Variants in PRKN observed in about 807,000 individuals in gnomAD.
PRKN encodes the protein parkin RBR E3 ubiquitin protein ligase.
PRKN carries 56 observed loss-of-function variants against 59.5 expected under a neutral mutation model. That is an observed-to-expected ratio of 0.94 (90% CI 0.76 to 1.18). PRKN has a LOEUF of 1.18. Ranked by LOEUF, PRKN falls within the 50% of genes most tolerant of loss-of-function variation. PRKN has a pLI of 0.00. For missense variants in PRKN, 657 were observed against 596.4 expected (o/e 1.10, Z -1.06); for synonymous variants, 250 against 222.1 (o/e 1.13, Z -1.12).
At chr6:162,303,721 T>C (rs921041826) in intron 2 of PRKN, among the ~76,000 whole-genome samples, 1 of 152,144 alleles carries the variant, frequency 6.6e-6, no homozygotes, top group Non-Finnish European at 1.5e-5. Flanking sequence ...GGAGACATTG[T>C]TTTTAAAAGT....
intron 7 of PRKN, 95 bp downstream of exon 7, chr6:161,785,677 T>C: frequency 8.6e-7 from 1 of 1,162,920 alleles, no homozygotes; most frequent in Admixed American, 1.9e-5. Flanking sequence ...ATTCTTCTGC[T>C]AGGGTTTACG....
chr6:161,580,264 G>GT (rs1388523214), intron 7 of PRKN, among the ~76,000 whole-genome samples: 1 of 152,126 alleles, frequency 6.6e-6, no homozygotes, highest in Non-Finnish European at 1.5e-5. Context: ...CTGTCAGAGA[G>GT]TTTTACCAAT....
At chr6:161,889,305 T>C (rs546342341) in intron 6 of PRKN, among the ~76,000 whole-genome samples, 1 of 152,092 alleles carries the variant, frequency 6.6e-6, no homozygotes, top group African/African-American at 2.4e-5. Context: ...AAACACTGTA[T>C]ATGAATGTAC....
chr6:161,493,929 GCA>G (rs1233129634), intron 9 of PRKN, among the ~76,000 whole-genome samples: 4 of 152,124 alleles, frequency 2.6e-5, no homozygotes, highest in African/African-American at 4.8e-5. Flanking sequence ...GGCTATCTCC[GCA>G]CAGACAAGAC....
chr6:162,595,937 T>C (rs1035380142), intron 1 of PRKN, among the ~76,000 whole-genome samples: 1 of 152,298 alleles, frequency 6.6e-6, no homozygotes, highest in South Asian at 2.1e-4. Context: ...GTACAATGTA[T>C]ACTTTTAACT....
chr6:162,039,325 C>T (rs1313652260), intron 5 of PRKN, among the ~76,000 whole-genome samples: 2 of 152,144 alleles, frequency 1.3e-5, no homozygotes, highest in African/African-American at 4.8e-5. Flanking sequence ...ATGGTTCATT[C>T]GGCCCCACCA....
intron 6 of PRKN, among the ~76,000 whole-genome samples, chr6:161,825,374 G>T (rs1792198718): frequency 6.6e-6 from 1 of 152,106 alleles, no homozygotes; most frequent in African/African-American, 2.4e-5. Flanking sequence ...CCCAAATGGT[G>T]TAATTTAAGA....
intron 7 of PRKN, among the ~76,000 whole-genome samples, chr6:161,671,148 A>T (rs1357784883): frequency 6.6e-6 from 1 of 152,116 alleles, no homozygotes; most frequent in Non-Finnish European, 1.5e-5. Context: ...CGCAGATGGG[A>T]TACCTGCATG....
intron 9 of PRKN, among the ~76,000 whole-genome samples, chr6:161,426,676 C>CACACACACACAT (rs11271613): frequency 0.072 from 10,212 of 142,684 alleles, 556 homozygotes; most frequent in Middle Eastern, 0.12. Flanking sequence ...CACACACACA[C>CACACACACACAT]CTCCTATTAG....
chr6:161,622,778 T>C (rs1451176618), intron 7 of PRKN, among the ~76,000 whole-genome samples: 3 of 152,184 alleles, frequency 2.0e-5, no homozygotes, highest in Non-Finnish European at 4.4e-5. Flanking sequence ...ACTTGACAAT[T>C]TTCTTGTTCC....
intron 1 of PRKN, among the ~76,000 whole-genome samples, chr6:162,722,158 TGTACC>T (rs1239981366): frequency 6.6e-6 from 1 of 152,146 alleles, no homozygotes; most frequent in Non-Finnish European, 1.5e-5. Context: ...ACAACCTATG[TGTACC>T]CATCCCTACC....
At chr6:161,963,491 C>T (rs550907433) in intron 6 of PRKN, among the ~76,000 whole-genome samples, 2 of 152,304 alleles carry the variant, frequency 1.3e-5, no homozygotes, top group East Asian at 3.9e-4. Context: ...TTTCAAAGTA[C>T]CAGTGGGGAT....
chr6:161,809,599 T>G (rs939242777), intron 6 of PRKN, among the ~76,000 whole-genome samples: 4 of 152,230 alleles, frequency 2.6e-5, no homozygotes, highest in African/African-American at 9.6e-5. Context: ...GGATTTAACA[T>G]TATTTAACAT....
At chr6:162,670,029 T>C (rs1779259946) in intron 1 of PRKN, among the ~76,000 whole-genome samples, 1 of 152,234 alleles carries the variant, frequency 6.6e-6, no homozygotes, top group South Asian at 2.1e-4. Flanking sequence ...CCTTCCTTTG[T>C]GCTGCTAAAC....
Position 162,628,029 on chromosome 6 carries a change from T to A in PRKN, c.7+99633A>T, listed in dbSNP as rs143585251. 7.2e-3 allele frequency among the ~76,000 whole-genome samples: 1,102 copies of A among 152,076 alleles called. 12 individuals carry two copies. Among genetic ancestry groups the A allele is most frequent in the African/African-American group, 0.025 (1,055 of 41,476 alleles). On this transcript the variant is annotated intron_variant, in intron 1 of 11. Coordinates refer to ENST00000366898, the MANE Select transcript of PRKN (RefSeq NM_004562.3). The stretch of plus-strand genomic sequence containing the variant: ...GGGAGTAGGACACAATGTCATGAGG[T>A]CGACAGAAGAAAATACATAAGGACT...
In PRKN at chr6:161,427,027, T is replaced by G. The variant is rs377558798; in HGVS notation, c.1084-40150A>C. ...AGCCACTACTCCTGGCCTACTTACT[T>G]ATATTTTTGAGACAGGGTTTTACTC... On this transcript the variant is annotated intron_variant, in intron 9 of 11. Transcript: ENST00000366898. 2.0e-5 allele frequency among the ~76,000 whole-genome samples: 3 copies of G among 152,016 alleles called. No individual in the cohort carries two copies. The South Asian group carries it at 6.3e-4, about 32-fold the overall frequency.
At chr6:161,826,933 G>A (rs1026262551) in intron 6 of PRKN, among the ~76,000 whole-genome samples, 1 of 152,152 alleles carries the variant, frequency 6.6e-6, no homozygotes, top group Non-Finnish European at 1.5e-5. Context: ...GCATTGGCAG[G>A]ACAAGAATAT....
intron 6 of PRKN, among the ~76,000 whole-genome samples, chr6:161,876,430 G>C (rs1794733959): frequency 6.6e-6 from 1 of 152,030 alleles, no homozygotes; most frequent in Non-Finnish European, 1.5e-5. Flanking sequence ...CTTCACCCCA[G>C]CCACCCAAGT....
At chr6:161,433,920 G>C (rs745403138) in intron 9 of PRKN, among the ~76,000 whole-genome samples, 1 of 152,100 alleles carries the variant, frequency 6.6e-6, no homozygotes, top group Non-Finnish European at 1.5e-5. Flanking sequence ...GGGAGGCTGA[G>C]AGAGGAGAAT....
Sources: allele counts gnomAD v4.1 joint callset (sites outside exome capture counted in the v4.1 genomes callset), GRCh38; gene constraint gnomAD v4.1.1; transcripts MANE v1.5; gene names NCBI Gene and HGNC (gene_info 2026-07-23, HGNC 2026-07-21).